WIZ: variants seen among roughly 807,000 people sequenced by gnomAD.
WIZ encodes the protein WIZ zinc finger.
A neutral mutation model predicts 140.2 loss-of-function variants in WIZ; 25 were observed. The observed-to-expected ratio is 0.18, with a 90% CI of 0.13 to 0.25. The LOEUF is 0.25. Among genes scored for constraint, WIZ ranks in the 10% least tolerant of loss-of-function variants. WIZ has a pLI of 1.00. For synonymous variants in WIZ, 1,125 were observed against 1,154.3 expected (o/e 0.97, Z 0.51); for missense variants, 2,231 against 2,632.6 (o/e 0.85, Z 3.34).
At position 15,439,118 on chromosome 19, in the gene WIZ, C is replaced by G; in HGVS notation, c.1876G>C (p.Val626Leu). The G allele has an allele frequency of 6.7e-7, 1 of 1,497,372 alleles. No homozygotes were observed. The highest frequency in any genetic ancestry group is 8.9e-7 in the Non-Finnish European group (1 of 1,124,534). 92.8% of individuals were successfully genotyped at this position (1,497,372 alleles called of 1,614,324 possible). A position where few individuals can be genotyped will look rare whatever the true frequency, so the allele number is the denominator to read the frequency against. ...AAATCCATCTCGGAGGTCAGCACTACATCCTCCTCCTCCTCCTCCTCCTCC... is the reference window on the plus strand; with the variant it reads ...AAATCCATCTCGGAGGTCAGCACTAGATCCTCCTCCTCCTCCTCCTCCTCC... ...EEEEEEEEED[V>L]VLTSEMDFSP... Residue 626 changes from valine to leucine, a missense_variant, in exon 4 of 13, where the codon GTA becomes CTA. By Grantham distance (32) the Val-to-Leu change is conservative (BLOSUM62 1). Around this residue, in one of 15 missense-constraint regions of WIZ, gnomAD observed 475 missense variants for 520.2 expected, o/e 0.91. Transcript: ENST00000673675. The surrounding 1 kb of genome is among the most constrained non-coding windows in gnomAD (Gnocchi z 7.0).
rs554195080 is a variant in WIZ at position 15,431,833 on chromosome 19, G to C, written c.2741-651C>G. Reference sequence around the variant, plus strand: ...AGTTTCTGAGACATCTATCAGGCCCGCAGCATCCCTGGGTGAGGAGTGTGT... The same window carrying C: ...AGTTTCTGAGACATCTATCAGGCCCCCAGCATCCCTGGGTGAGGAGTGTGT... On this transcript the variant is annotated intron_variant, in intron 5 of 12. Transcript: ENST00000673675. Among the ~76,000 whole-genome samples, 3 of 152,358 alleles carry C rather than the reference G, an allele frequency of 2.0e-5. No individual in the cohort carries two copies. The South Asian group carries it at 6.2e-4, about 32-fold the overall frequency.
Position 15,427,923 on chromosome 19 carries a change from C to T in WIZ, c.3814+187G>A, listed in dbSNP as rs1159444991. The stretch of plus-strand genomic sequence containing the variant: ...CTTGGCCTTCATTCTCAGGAAGGGT[C>T]ATGGAGGTCAAAGGCCAAGAGAGAG... On this transcript the variant is annotated intron_variant, in intron 8 of 12. Transcript: ENST00000673675. The surrounding 1 kb of genome is among the most constrained non-coding windows in gnomAD (Gnocchi z 6.4). 1.3e-5 allele frequency among the ~76,000 whole-genome samples: 2 copies of T among 152,098 alleles called. No homozygotes were observed. Among genetic ancestry groups the T allele is most frequent in the Non-Finnish European group, 2.9e-5 (2 of 67,996 alleles).
At position 15,436,971 on chromosome 19, in the gene WIZ, G is replaced by A; in HGVS notation, c.2575C>T (p.Gln859Ter). 6.2e-7 allele frequency: 1 copy of A among 1,613,798 alleles called. No homozygotes were observed. Among genetic ancestry groups the A allele is most frequent in the African/African-American group, 1.3e-5 (1 of 75,054 alleles). The stretch of plus-strand genomic sequence containing the variant: ...GCAGCAGAGGTGGCCAGCAGCTCCT[G>A]CAGGATGTTGATGGGTGAGACAGTG... ...ELTVSPINIL[Q>*]ELLATSAAEQ... Residue 859 changes from glutamine (Q) to a stop codon, truncating the protein, a stop_gained, in exon 5 of 13, where the codon CAG (glutamine) becomes TAG (stop). Coordinates refer to ENST00000673675, the MANE Select transcript of WIZ (RefSeq NM_001371589.1). LOFTEE classifies it high-confidence loss of function.
In WIZ at chr19:15,431,197, G is replaced by A. The variant is rs534135269; in HGVS notation, c.2741-15C>T. On this transcript the variant is annotated splice_polypyrimidine_tract_variant and intron_variant, in intron 5 of 12. Transcript: ENST00000673675. ...AGAACCCAGGCCTGTGGGTTGGGGA[G>A]ACAGGCTCAGCCCAGACAAATTTCA... 2.7e-6 allele frequency: 4 copies of A among 1,505,338 alleles called. No homozygotes were observed. In the South Asian group the frequency reaches 3.7e-5, roughly 14 times the overall value. The allele number at this position is 1,505,338 out of a possible 1,614,324, so 93.2% of individuals were successfully genotyped here. A position where few individuals can be genotyped will look rare whatever the true frequency, so the allele number is the denominator to read the frequency against.
intron 5 of WIZ, chr19:15,433,122 T>C (rs1969377385): frequency 6.0e-6 from 3 of 500,866 alleles, no homozygotes; most frequent in Admixed American, 6.4e-5. Context: ...CCATTCCCTT[T>C]CCGGAAAGTC....
At chr19:15,437,356 C>T (rs1286267376) in intron 4 of WIZ, among the ~76,000 whole-genome samples, 1 of 152,204 alleles carries the variant, frequency 6.6e-6, no homozygotes, top group Non-Finnish European at 1.5e-5. Context: ...CAAGGAGGGA[C>T]CTCTTCTGCA....
intron 3 of WIZ, among the ~76,000 whole-genome samples, chr19:15,441,711 C>A (rs1010148342): frequency 7.2e-5 from 11 of 152,122 alleles, no homozygotes; most frequent in Admixed American, 7.2e-4. Flanking sequence ...GGGTGGAGAC[C>A]ATAAGGTCAC....
At position 15,429,108 on chromosome 19, in the gene WIZ, C is replaced by T. The variant is rs568088650; in HGVS notation, c.3415+478G>A. On this transcript the variant is annotated intron_variant, in intron 7 of 12. Transcript: ENST00000673675. ...GGCAGCCCAGGAGGTGGGGCTTCAC[C>T]GGCAGGCGCAGAGAGCTGCCTCTGC... Among the ~76,000 whole-genome samples, 9 of 152,296 alleles carry T rather than the reference C, an allele frequency of 5.9e-5. No homozygotes were observed. In the East Asian group the frequency reaches 1.7e-3, roughly 29 times the overall value.
At chr19:15,449,416 G>A (rs1029959448) in intron 1 of WIZ, 1 of 152,432 alleles carries the variant, frequency 6.6e-6, no homozygotes, top group African/African-American at 2.4e-5. Context: ...CGGGGAACGG[G>A]CGGGACCGCA....
Position 15,440,837 on chromosome 19 carries a change from A to G in WIZ, c.279-122T>C. ...CCCGGAGATCCAGCCCGAGGGTGAC[A>G]GGGGTGTGGGGGTGAGGGTGGGAGG... On this transcript the variant is annotated intron_variant, in intron 3 of 12. Transcript: ENST00000673675. This position sits in a 1 kb window ranked among gnomAD's most constrained non-coding sequence, Gnocchi z 6.2. The G allele has an allele frequency of 1.7e-5, 9 of 517,820 alleles. No homozygotes were observed. Among genetic ancestry groups the G allele is most frequent in the East Asian group, 6.4e-5 (1 of 15,622 alleles). The allele number at this position is 517,820 out of a possible 1,614,324, so 32.1% of individuals were successfully genotyped here. A position where few individuals can be genotyped will look rare whatever the true frequency, so the allele number is the denominator to read the frequency against.
intron 5 of WIZ, among the ~76,000 whole-genome samples, chr19:15,432,960 C>G (rs1477058929): frequency 1.3e-5 from 2 of 151,972 alleles, no homozygotes; most frequent in African/African-American, 2.4e-5. Flanking sequence ...CGCTGGGCGC[C>G]CAGCGGCCTC....
At chr19:15,443,479 A>G (rs566435131) in intron 2 of WIZ, among the ~76,000 whole-genome samples, 1 of 152,020 alleles carries the variant, frequency 6.6e-6, no homozygotes, top group South Asian at 2.1e-4. Flanking sequence ...CTCCATTCTG[A>G]CTGTATGGGC....
At position 15,424,097 on chromosome 19, in the gene WIZ, T is replaced by C. The variant is rs1463478399; in HGVS notation, c.5510+86A>G. 2 of 1,292,562 alleles carry C rather than the reference T, an allele frequency of 1.5e-6. No homozygotes were observed. Among genetic ancestry groups the C allele is most frequent in the Non-Finnish European group, 2.0e-6 (2 of 979,588 alleles). The allele number at this position is 1,292,562 out of a possible 1,614,324, so 80.1% of individuals were successfully genotyped here. A position where few individuals can be genotyped will look rare whatever the true frequency, so the allele number is the denominator to read the frequency against. ...AGCCACTGAGGCGACACCTCCCAGC[T>C]TCCACCAAACCCTATCCTGTTCCAA... On this transcript the variant is annotated intron_variant, in intron 12 of 12. Coordinates refer to ENST00000673675, the MANE Select transcript of WIZ (RefSeq NM_001371589.1). The surrounding 1 kb of genome is among the most constrained non-coding windows in gnomAD (Gnocchi z 9.7).
Position 15,425,701 on chromosome 19 carries a change from C to T in WIZ, c.4434G>A (p.Lys1478=). ...GTGAGCGCGCGTGACTCGACAGGCC[C>T]TTGCGGTTCTCGAAGAACTCGCCGC... ...EFCGEFFENR[K]GLSSHARSHL... The change falls in exon 10 of 13, where the codon AAG becomes AAA. Residue 1478 remains lysine (K), a synonymous_variant. Transcript: ENST00000673675. 1 of 1,612,846 alleles carries T rather than the reference C, an allele frequency of 6.2e-7. No individual in the cohort carries two copies. Among genetic ancestry groups the T allele is most frequent in the Non-Finnish European group, 8.5e-7 (1 of 1,179,722 alleles).
chr19:15,445,587 G>A (rs890590864), intron 2 of WIZ, among the ~76,000 whole-genome samples: 1 of 152,118 alleles, frequency 6.6e-6, no homozygotes, highest in Admixed American at 6.5e-5. Context: ...TCCCCAGGCT[G>A]GGGCCTCAAG....
At position 15,437,002 on chromosome 19, in the gene WIZ, C is replaced by CTAG; in HGVS notation, c.2543_2544insCTA (p.Trp848delinsCysTer). On this transcript the variant is annotated stop_gained and protein_altering_variant, in exon 5 of 13. Transcript: ENST00000673675. LOFTEE classifies it high-confidence loss of function. The stretch of plus-strand genomic sequence containing the variant: ...TGTTGATGGGTGAGACAGTGAGCTC[C>CTAG]CAGTTGGTGATACCGAAGTCACGTA... 1 of 1,613,880 alleles carries CTAG rather than the reference C, an allele frequency of 6.2e-7. No individual in the cohort carries two copies. Among genetic ancestry groups the CTAG allele is most frequent in the Non-Finnish European group, 8.5e-7 (1 of 1,179,892 alleles).
chr19:15,440,699 T>C lies in WIZ; in HGVS notation c.295A>G (p.Ser99Gly), dbSNP rs1476572112. The C allele has an allele frequency of 6.7e-7, 1 of 1,499,262 alleles. No individual in the cohort carries two copies. Among genetic ancestry groups the C allele is most frequent in the East Asian group, 2.5e-5 (1 of 40,466 alleles). 92.9% of individuals were successfully genotyped at this position (1,499,262 alleles called of 1,614,324 possible). A position where few individuals can be genotyped will look rare whatever the true frequency, so the allele number is the denominator to read the frequency against. The change falls in exon 4 of 13, where the codon AGC (serine) becomes GGC (glycine). Residue 99 changes from serine (S) to glycine (G), a missense_variant. Physicochemically the swap from Ser to Gly is moderately conservative, Grantham distance 56. This residue lies in a region of WIZ where 307 missense variants were observed against 294.1 expected (regional missense o/e 1.04). Coordinates refer to ENST00000673675, the MANE Select transcript of WIZ (RefSeq NM_001371589.1). This position sits in a 1 kb window ranked among gnomAD's most constrained non-coding sequence, Gnocchi z 6.2. ...RISSCCWDGG[S>G]LDFRPGSPPP... The stretch of plus-strand genomic sequence containing the variant: ...GGGGAGCCCGGCCGGAAGTCCAGGC[T>C]GCCTCCATCCCAGCAGCTGCAAGGA...
intron 2 of WIZ, 116 bp downstream of exon 2, chr19:15,447,986 AC>A: frequency 8.4e-7 from 1 of 1,194,520 alleles, no homozygotes; most frequent in Non-Finnish European, 1.2e-6. Flanking sequence ...AAGGCTCTGG[AC>A]CCAAGCGGAA....
Position 15,448,190 on chromosome 19 carries a change from C to T in WIZ, c.118G>A (p.Glu40Lys). 6.2e-7 allele frequency: 1 copy of T among 1,613,066 alleles called. No individual in the cohort carries two copies. The highest frequency in any genetic ancestry group is 8.5e-7 in the Non-Finnish European group (1 of 1,179,272). Reference sequence around the variant, plus strand: ...CGGGTGGACCGGAAGATGCCACCTTCCCCCTCAGCAGCTTCGGCCCCACCC... The same window carrying T: ...CGGGTGGACCGGAAGATGCCACCTTTCCCCTCAGCAGCTTCGGCCCCACCC... ...IEGGAEAAEG[E>K]GGIFRSTRYL... is the part of the protein sequence containing the mutation. Residue 40 changes from glutamate to lysine, a missense_variant, in exon 2 of 13, where the codon GAA becomes AAA. Around this residue, in one of 15 missense-constraint regions of WIZ, gnomAD observed 85 missense variants for 90.9 expected, o/e 0.94. Transcript: ENST00000673675.
Sources: allele counts gnomAD v4.1 joint callset (sites outside exome capture counted in the v4.1 genomes callset), GRCh38; gene constraint gnomAD v4.1.1; regional missense constraint gnomAD v4.1.1; non-coding constraint Gnocchi (gnomAD v3.1); transcripts MANE v1.5; gene names NCBI Gene and HGNC (gene_info 2026-07-23, HGNC 2026-07-21).